The following IPO11 variants were observed in gnomAD, a reference collection of about 807,000 sequenced individuals.
The protein encoded by IPO11 is importin-11.
A neutral mutation model predicts 143.2 loss-of-function variants in IPO11; 66 were observed. The observed-to-expected ratio is 0.46, with a 90% CI of 0.38 to 0.57. The LOEUF (loss-of-function observed/expected upper bound fraction) is 0.57. Among genes scored for constraint, IPO11 ranks in the 20% least tolerant of loss-of-function variants. IPO11 has a pLI of 0.00. For missense variants in IPO11, 1,026 were observed against 1,141.0 expected (o/e 0.90, Z 1.45); for synonymous variants, 385 against 377.8 (o/e 1.02, Z -0.22).
At position 62,476,694 on chromosome 5, in the gene IPO11, G is replaced by T; in HGVS notation, c.769G>T (p.Gly257Cys). 1 of 1,518,782 alleles carries T rather than the reference G, an allele frequency of 6.6e-7. No homozygotes were observed. The highest frequency in any genetic ancestry group is 8.8e-7 in the Non-Finnish European group (1 of 1,130,682). 94.1% of individuals were successfully genotyped at this position (1,518,782 alleles called of 1,614,324 possible). ...KQFLECSRSI[G>C]TDNVCRDRLE... ...TGTATTTTTAACAGGTAGAAGTATAGGTACAGATAATGTGTGTAGAGATAG... is the reference window on the plus strand; with the variant it reads ...TGTATTTTTAACAGGTAGAAGTATATGTACAGATAATGTGTGTAGAGATAG... The change falls in exon 9 of 30, where the codon GGT (glycine) becomes TGT (cysteine). Residue 257 changes from glycine to cysteine, a missense_variant. Physicochemically the swap from Gly to Cys is radical, Grantham distance 159 (BLOSUM62 -3). Around this residue, in one of 5 missense-constraint regions of IPO11, gnomAD observed 429 missense variants for 456.3 expected, o/e 0.94. Transcript: ENST00000325324.
At chr5:62,561,070 A>G in intron 26 of IPO11, 66 bp from the exon 27 acceptor site, 1 of 1,414,498 alleles carries the variant, frequency 7.1e-7, no homozygotes, top group African/African-American at 1.4e-5. Context: ...TTTAGCCTTT[A>G]AAAGTATTTA....
chr5:62,500,525 T>A (rs1330090447), intron 16 of IPO11, among the ~76,000 whole-genome samples: 1 of 152,158 alleles, frequency 6.6e-6, no homozygotes, highest in East Asian at 1.9e-4. Context: ...AGAGACAGGG[T>A]CTTGCTGTGT....
intron 16 of IPO11, among the ~76,000 whole-genome samples, chr5:62,503,690 A>T (rs1386538524): frequency 6.6e-6 from 1 of 152,148 alleles, no homozygotes; most frequent in Non-Finnish European, 1.5e-5. Flanking sequence ...AGAGACAGTG[A>T]ATAAAAGGAA....
rs1741552896 is a variant in IPO11 at position 62,506,300 on chromosome 5, C to T, written c.1725C>T (p.Asp575=). 6.2e-7 allele frequency: 1 copy of T among 1,610,922 alleles called. No individual in the cohort carries two copies. The highest frequency in any genetic ancestry group is 8.5e-7 in the Non-Finnish European group (1 of 1,178,232). ...FQLLQQVTEC[D]TKMHVLHVLS... The stretch of plus-strand genomic sequence containing the variant: ...TACTGCAGCAAGTTACAGAATGTGA[C>T]ACAAAGATGCATGTTTTGCATGTCC... Residue 575 remains aspartate, a synonymous_variant, in exon 19 of 30, where the codon GAC becomes GAT. Transcript: ENST00000325324.
chr5:62,514,438 G>A (rs1259470085), intron 19 of IPO11, among the ~76,000 whole-genome samples: 4 of 151,918 alleles, frequency 2.6e-5, no homozygotes, highest in Non-Finnish European at 2.9e-5. Context: ...AAAAAAACAC[G>A]AAAACCAGTC....
intron 22 of IPO11, among the ~76,000 whole-genome samples, chr5:62,535,456 A>T (rs3776638): frequency 1.3e-5 from 2 of 151,802 alleles, no homozygotes; most frequent in Non-Finnish European, 2.9e-5. Flanking sequence ...TGAATTTTTC[A>T]TAATGATAGC....
intron 6 of IPO11, among the ~76,000 whole-genome samples, chr5:62,468,266 C>T (rs975033955): frequency 2.6e-5 from 4 of 152,168 alleles, no homozygotes; most frequent in African/African-American, 9.7e-5. Context: ...CTCTCTTACT[C>T]TCAGTTTGCA....
intron 5 of IPO11, among the ~76,000 whole-genome samples, chr5:62,452,663 G>A (rs1023740939): frequency 4.0e-4 from 7 of 17,686 alleles, no homozygotes; most frequent in African/African-American, 1.5e-3. Context: ...TTTTGGGTTC[G>A]TGTGTGTGTG....
intron 27 of IPO11, among the ~76,000 whole-genome samples, chr5:62,566,829 T>C (rs548716648): frequency 6.6e-6 from 1 of 152,046 alleles, no homozygotes; most frequent in Non-Finnish European, 1.5e-5. Flanking sequence ...TTTGTCTGTG[T>C]AGTTTAAAAA....
At chr5:62,500,675 T>G (rs927900665) in intron 16 of IPO11, among the ~76,000 whole-genome samples, 4 of 152,104 alleles carry the variant, frequency 2.6e-5, no homozygotes, top group African/African-American at 9.7e-5. Flanking sequence ...TTCTTTGATT[T>G]TTTTGTAGAG....
intron 1 of IPO11, among the ~76,000 whole-genome samples, chr5:62,427,508 G>T (rs1743801626): frequency 6.6e-6 from 1 of 152,198 alleles, no homozygotes; most frequent in South Asian, 2.1e-4. Flanking sequence ...TCCGTGGCCT[G>T]CTAGGAACTG....
In IPO11 at chr5:62,432,305, G is replaced by A. The variant is rs996053406; in HGVS notation, c.-6-4969G>A. Among the ~76,000 whole-genome samples the A allele has an allele frequency of 1.2e-4, 19 of 152,198 alleles. No individual in the cohort carries two copies. The South Asian group carries it at 1.7e-3, about 13-fold the overall frequency. On this transcript the variant is annotated intron_variant, in intron 1 of 29. Coordinates refer to ENST00000325324, the MANE Select transcript of IPO11 (RefSeq NM_016338.5). ...GTGGTAGAGCTTCTGCCGCAGGAGT[G>A]GTGCCTGGATGGAAGAAGAGAGCCC...
chr5:62,594,595 G>C (rs1023052062), intron 28 of IPO11, among the ~76,000 whole-genome samples: 1 of 152,186 alleles, frequency 6.6e-6, no homozygotes, highest in Admixed American at 6.5e-5. Flanking sequence ...GCAGAAACAG[G>C]CTCGCTGATA....
intron 20 of IPO11, among the ~76,000 whole-genome samples, chr5:62,517,959 G>T (rs569256606): frequency 4.6e-5 from 7 of 152,166 alleles, no homozygotes; most frequent in African/African-American, 1.2e-4. Flanking sequence ...TACCAAAATT[G>T]AGACTGTAGC....
At chr5:62,599,671 T>C (rs1745426215) in intron 28 of IPO11, among the ~76,000 whole-genome samples, 1 of 152,248 alleles carries the variant, frequency 6.6e-6, no homozygotes, top group Non-Finnish European at 1.5e-5. Context: ...CTGGATCTAT[T>C]CGGTGATTTC....
At chr5:62,577,212 C>T (rs1481222845) in intron 27 of IPO11, among the ~76,000 whole-genome samples, 4 of 152,098 alleles carry the variant, frequency 2.6e-5, no homozygotes, top group Non-Finnish European at 5.9e-5. Context: ...CTGAGAGTTA[C>T]AGTGTACTAT....
chr5:62,423,893 A>G (rs1255838095), intron 1 of IPO11, among the ~76,000 whole-genome samples: 1 of 152,096 alleles, frequency 6.6e-6, no homozygotes, highest in Non-Finnish European at 1.5e-5. Context: ...TGTCTTTGGC[A>G]TATTGTATTT....
chr5:62,460,110 T>A (rs1745303139), intron 5 of IPO11, among the ~76,000 whole-genome samples: 1 of 150,438 alleles, frequency 6.6e-6, no homozygotes, highest in South Asian at 2.1e-4. Context: ...TGTGAAAAGA[T>A]AGATTTATTT....
intron 2 of IPO11, 66 bp from the exon 3 acceptor site, chr5:62,442,917 T>G (rs1200926329): frequency 2.4e-6 from 2 of 834,512 alleles, no homozygotes; most frequent in Non-Finnish European, 3.8e-6. Flanking sequence ...TACTTTATTG[T>G]GGGTACATTA....
Sources: gnomAD v4.1 joint callset for allele counts (sites outside exome capture counted in the v4.1 genomes callset) on GRCh38, gnomAD v4.1.1 for gene constraint, gnomAD v4.1.1 regional missense constraint, MANE v1.5 for transcripts, NCBI Gene and HGNC (gene_info 2026-07-23, HGNC 2026-07-21) for gene names.